Variants in MCM6 observed in about 807,000 individuals in gnomAD.
MCM6 encodes the protein DNA replication licensing factor MCM6.
Under a neutral mutation model 94.3 loss-of-function variants are expected in MCM6, and 46 were observed. That is an observed-to-expected ratio of 0.49 (90% confidence interval 0.39 to 0.62). The LOEUF (loss-of-function observed/expected upper bound fraction) is 0.62, where lower values mean the gene tolerates loss of function less well. Among genes scored for constraint, MCM6 ranks in the 20% least tolerant of loss-of-function variants. The probability of loss-of-function intolerance (pLI) is 0.00; values close to 1 mark genes in which losing one functional copy is unlikely to be tolerated. For missense variants in MCM6, 865 were observed against 1,017.9 expected (o/e 0.85, Z 2.04); for synonymous variants, 335 against 351.9 (o/e 0.95, Z 0.54).
Position 135,862,738 on chromosome 2 carries a change from T to C in MCM6, c.1089A>G (p.Glu363=). 6.2e-7 allele frequency: 1 copy of C among 1,613,870 alleles called. No homozygotes were observed. ...SLFPTIHGND[E]VKRGVLLMLF... is the part of the protein sequence containing the mutation. The stretch of plus-strand genomic sequence containing the variant: ...GCATCAGCAGGACACCCCGTTTTAC[T>C]TCATCATTGCCTGAAATGAAAAGAA... The change falls in exon 8 of 17, where the codon GAA becomes GAG. Residue 363 remains glutamate (E), a synonymous_variant. Transcript: ENST00000264156.
chr2:135,857,024 C>T (rs1461854193), intron 10 of MCM6, 141 bp from the exon 11 acceptor site: 10 of 710,756 alleles, frequency 1.4e-5, no homozygotes, highest in Non-Finnish European at 2.0e-5. Flanking sequence ...ACAGGAACTC[C>T]TATGTGATTT....
intron 14 of MCM6, 91 bp downstream of exon 14, chr2:135,847,962 T>C: frequency 2.2e-6 from 2 of 914,372 alleles, no homozygotes; most frequent in Admixed American, 2.0e-5. Flanking sequence ...CATAGACTAT[T>C]AGCCAACAGC....
intron 8 of MCM6, among the ~76,000 whole-genome samples, chr2:135,860,402 G>T (rs1679969658): frequency 6.6e-6 from 1 of 152,126 alleles, no homozygotes; most frequent in African/African-American, 2.4e-5. Context: ...CCAAAGTGCT[G>T]GGATTACAGG....
In MCM6 at chr2:135,862,786, T is replaced by C. The variant is rs774870774; in HGVS notation, c.1079-38A>G. On this transcript the variant is annotated intron_variant, in intron 7 of 16. Transcript: ENST00000264156. ...GAAGCTACAGATGAAAAACTAATTT[T>C]TCAACATGAAGTTAAACACTTTCAG... is the stretch of plus-strand genomic sequence containing the variant. 4 of 1,607,172 alleles carry C rather than the reference T, an allele frequency of 2.5e-6. No homozygotes were observed. In the Admixed American group the frequency reaches 6.8e-5, roughly 27 times the overall value.
chr2:135,876,232 C>A, intron 1 of MCM6, 27 bp downstream of exon 1: 1 of 1,550,358 alleles, frequency 6.5e-7, no homozygotes. Flanking sequence ...CGGAGGCGGG[C>A]GAGGCCCGGG....
At chr2:135,849,419 G>C (rs1215495067) in intron 13 of MCM6, among the ~76,000 whole-genome samples, 1 of 152,124 alleles carries the variant, frequency 6.6e-6, no homozygotes, top group Non-Finnish European at 1.5e-5. Flanking sequence ...TTTTATAGTA[G>C]TACAACCTAA....
At chr2:135,875,342 C>A (rs893860789) in intron 1 of MCM6, among the ~76,000 whole-genome samples, 1 of 151,138 alleles carries the variant, frequency 6.6e-6, no homozygotes, top group African/African-American at 2.4e-5. Flanking sequence ...CCGGCCTGGG[C>A]AACAAGGGCT....
At chr2:135,844,096 T>C (rs1679629465) in intron 16 of MCM6, among the ~76,000 whole-genome samples, 1 of 152,046 alleles carries the variant, frequency 6.6e-6, no homozygotes, top group Admixed American at 6.6e-5. Flanking sequence ...CTCCAGATAC[T>C]TTCAGCTGCT....
rs41525747 is a variant in MCM6, at chr2:135,851,073, G to C, written c.1917+329C>G. Among the ~76,000 whole-genome samples, 5 of 152,194 alleles carry C rather than the reference G, an allele frequency of 3.3e-5. No homozygotes were observed. The highest frequency in any genetic ancestry group is 1.2e-4 in the African/African-American group (5 of 41,450). ...AAGGAGGAGAGTTCCTTTGAGGCCA[G>C]GGGCTACATTATCTTATCTGTATTG... On this transcript the variant is annotated intron_variant, in intron 13 of 16. Transcript: ENST00000264156.
intron 11 of MCM6, among the ~76,000 whole-genome samples, chr2:135,853,562 TTAGG>T (rs1159279006): frequency 1.3e-5 from 2 of 152,184 alleles, no homozygotes; most frequent in Admixed American, 1.3e-4. Flanking sequence ...AAAAATTTTA[TTAGG>T]TAAATGATAT....
In MCM6 at chr2:135,868,726, T is replaced by A; in HGVS notation, c.500A>T (p.Asp167Val). ...TGTGTATTTGAACTGCTGTTCTACA[T>A]CCCTGATCACTGTCTGACAGTCCAA... ...LCLDCQTVIR[D>V]VEQQFKYTQP... is the part of the protein sequence containing the mutation. The change falls in exon 4 of 17, where the codon GAT becomes GTT. Residue 167 changes from aspartate (D) to valine (V), a missense_variant. Around this residue, in one of 3 missense-constraint regions of MCM6, gnomAD observed 404 missense variants for 451.9 expected, o/e 0.89. Transcript: ENST00000264156. 1.9e-6 allele frequency: 3 copies of A among 1,614,212 alleles called. No individual in the cohort carries two copies. The highest frequency in any genetic ancestry group is 1.7e-6 in the Non-Finnish European group (2 of 1,180,036).
At chr2:135,865,240 C>A in intron 6 of MCM6, 77 bp from the exon 7 acceptor site, 2 of 1,053,008 alleles carry the variant, frequency 1.9e-6, no homozygotes, top group Non-Finnish European at 1.3e-6. Context: ...AACTTCATTA[C>A]AAACACAACA....
intron 10 of MCM6, 58 bp from the exon 11 acceptor site, chr2:135,856,941 T>A: frequency 6.8e-7 from 1 of 1,464,662 alleles, no homozygotes; most frequent in South Asian, 1.3e-5. Context: ...AATAAATATA[T>A]AACAACATGT....
chr2:135,855,566 T>C (rs933943674), intron 11 of MCM6, among the ~76,000 whole-genome samples: 1 of 152,176 alleles, frequency 6.6e-6, no homozygotes, highest in Non-Finnish European at 1.5e-5. Flanking sequence ...CTTGGGAGGC[T>C]GAGGCAGGAG....
intron 7 of MCM6, 74 bp from the exon 8 acceptor site, chr2:135,862,822 A>G: frequency 6.5e-7 from 1 of 1,530,924 alleles, no homozygotes; most frequent in Non-Finnish European, 9.0e-7. Flanking sequence ...AAGAAACAGT[A>G]AAGGCATGTT....
rs572961844 is a variant in MCM6, at chr2:135,873,374, T to C, written c.108-531A>G. On this transcript the variant is annotated intron_variant, in intron 1 of 16. Coordinates refer to ENST00000264156, the MANE Select transcript of MCM6 (RefSeq NM_005915.6). ...CAATGATTCCATTTCTGTAGGGAATTTGCAAACTAACAAATTAGTCAGGGA... is the reference window on the plus strand; with the variant it reads ...CAATGATTCCATTTCTGTAGGGAATCTGCAAACTAACAAATTAGTCAGGGA... Among the ~76,000 whole-genome samples, 5 of 152,304 alleles carry C rather than the reference T, an allele frequency of 3.3e-5. 1 individual carries two copies. The highest frequency in any genetic ancestry group is 9.6e-5 in the African/African-American group (4 of 41,576).
chr2:135,852,876 G>A lies in MCM6; in HGVS notation c.1666C>T (p.His556Tyr), dbSNP rs149081066. Residue 556 changes from histidine (H) to tyrosine (Y), a missense_variant, in exon 12 of 17, where the codon CAT becomes TAT. Coordinates refer to ENST00000264156, the MANE Select transcript of MCM6 (RefSeq NM_005915.6). ...TCAATTGATTCCTCAATTCTTGAAT[G>A]CAAATCTACTATGCGCCTGGCAATG... The part of the protein sequence containing the change: ...YAIARRIVDL[H>Y]SRIEESIDRV... 1.9e-6 allele frequency: 3 copies of A among 1,610,722 alleles called. No individual in the cohort carries two copies. Among genetic ancestry groups the A allele is most frequent in the African/African-American group, 1.3e-5 (1 of 74,666 alleles).
intron 9 of MCM6, among the ~76,000 whole-genome samples, chr2:135,858,884 T>TC (rs1679938305): frequency 1.9e-5 from 2 of 104,262 alleles, no homozygotes; most frequent in Non-Finnish European, 3.0e-5. Context: ...TAAAGAATGC[T>TC]GGGTTTTTTT....
In MCM6 at chr2:135,840,620, G is replaced by A; in HGVS notation, c.*215C>T. 1 of 514,986 alleles carries A rather than the reference G, an allele frequency of 1.9e-6. No homozygotes were observed. Among genetic ancestry groups the A allele is most frequent in the Non-Finnish European group, 3.5e-6 (1 of 286,942 alleles). The allele number at this position is 514,986 out of a possible 1,614,324, so 31.9% of individuals were successfully genotyped here. ...TTTGGTTCCAACTTCACTGGGACAGGAAACACACCAAAGGAAGTGCTGAAG... is the reference window on the plus strand; with the variant it reads ...TTTGGTTCCAACTTCACTGGGACAGAAAACACACCAAAGGAAGTGCTGAAG... On this transcript the variant is annotated 3_prime_UTR_variant, in exon 17 of 17. Transcript: ENST00000264156.
Sources: gnomAD v4.1 joint callset for allele counts (sites outside exome capture counted in the v4.1 genomes callset) on GRCh38, gnomAD v4.1.1 for gene constraint, gnomAD v4.1.1 regional missense constraint, MANE v1.5 for transcripts, NCBI Gene and HGNC (gene_info 2026-07-23, HGNC 2026-07-21) for gene names.